Variants in FARP1 observed in about 807,000 individuals in gnomAD.
The protein encoded by FARP1 is FERM, ARHGEF and pleckstrin domain-containing protein 1.
FARP1 carries 52 observed loss-of-function variants against 128.8 expected under a neutral mutation model. The observed-to-expected ratio is 0.40, with a 90% CI of 0.32 to 0.51. The LOEUF is 0.51. Ranked by LOEUF, FARP1 falls within the 20% of genes least tolerant of loss-of-function variation. The pLI, the probability that FARP1 is intolerant of heterozygous loss-of-function variation, is 0.45. For synonymous variants in FARP1, 580 were observed against 551.8 expected (o/e 1.05, Z -0.72); for missense variants, 1,333 against 1,367.9 (o/e 0.97, Z 0.40).
chr13:98,363,733 T>A (rs1274095594), intron 3 of FARP1, among the ~76,000 whole-genome samples: 4 of 152,228 alleles, frequency 2.6e-5, no homozygotes, highest in Admixed American at 2.6e-4. Flanking sequence ...TCCTGTCTTT[T>A]GAATTTATTT....
At chr13:98,308,975 C>T (rs1886316975) in intron 2 of FARP1, among the ~76,000 whole-genome samples, 1 of 151,904 alleles carries the variant, frequency 6.6e-6, no homozygotes, top group South Asian at 2.1e-4. Context: ...GCCACTATGC[C>T]CGGCCAATAG....
At chr13:98,288,910 G>T (rs1885320788) in intron 2 of FARP1, among the ~76,000 whole-genome samples, 1 of 149,984 alleles carries the variant, frequency 6.7e-6, no homozygotes, top group Non-Finnish European at 1.5e-5. Flanking sequence ...TCTTAATTGT[G>T]CCAGTCATAT....
At chr13:98,446,897 C>T (rs1196341400) in intron 26 of FARP1, 80 bp downstream of exon 26, 25 of 1,473,654 alleles carry the variant, frequency 1.7e-5, no homozygotes, top group East Asian at 1.6e-4. Context: ...CCCAAGTCAG[C>T]GAGTGAGATG....
Position 98,176,483 on chromosome 13 carries a change from T to C in FARP1, c.-24+32991T>C, listed in dbSNP as rs762608112. On this transcript the variant is annotated intron_variant, in intron 1 of 26. Coordinates refer to ENST00000319562, the MANE Select transcript of FARP1 (RefSeq NM_005766.4). The surrounding 1 kb of genome is among the most constrained non-coding windows in gnomAD (Gnocchi z 6.2). ...CGACATATGAAACACCTGAATGGTA[T>C]TTCCTCTTCCTCGCTTCCCACTTCA... is the stretch of plus-strand genomic sequence containing the variant. The C allele has an allele frequency of 6.2e-7, 1 of 1,614,184 alleles. No individual in the cohort carries two copies. The highest frequency in any genetic ancestry group is 8.5e-7 in the Non-Finnish European group (1 of 1,180,028).
rs554384255 is a variant in FARP1, at chr13:98,202,642, T to TA, written c.-23-10577dup. 3.3e-5 allele frequency among the ~76,000 whole-genome samples: 5 copies of TA among 152,318 alleles called. No homozygotes were observed. In the South Asian group the frequency reaches 1.0e-3, roughly 32 times the overall value. ...CTCTCAGTGGGGCAGGAGTAGTTGG[T>TA]AGGAGTGTGTGCTTTTAGTAGATTA... On this transcript the variant is annotated intron_variant, in intron 1 of 26. Coordinates refer to ENST00000319562, the MANE Select transcript of FARP1 (RefSeq NM_005766.4).
rs1369487022 is a variant in FARP1 at position 98,448,389 on chromosome 13, C to G, written c.*72C>G. The G allele has an allele frequency of 5.7e-6, 7 of 1,221,130 alleles. No individual in the cohort carries two copies. Among genetic ancestry groups the G allele is most frequent in the Non-Finnish European group, 8.5e-6 (7 of 824,974 alleles). The allele number at this position is 1,221,130 out of a possible 1,614,324, so 75.6% of individuals were successfully genotyped here. ...TTTCCTTTCTTCTGTATTAATGAAG[C>G]CTGGTAAAATTAACACCTGTCTGAA... is the stretch of plus-strand genomic sequence containing the variant. On this transcript the variant is annotated 3_prime_UTR_variant, in exon 27 of 27. Coordinates refer to ENST00000319562, the MANE Select transcript of FARP1 (RefSeq NM_005766.4).
intron 1 of FARP1, among the ~76,000 whole-genome samples, chr13:98,143,768 C>CG (rs1219938573): frequency 6.6e-6 from 1 of 151,676 alleles, no homozygotes; most frequent in East Asian, 1.9e-4. Context: ...CGTCGGGCTG[C>CG]GGGGCTCCGC....
chr13:98,246,245 G>A (rs1365412314), intron 2 of FARP1, among the ~76,000 whole-genome samples: 1 of 150,326 alleles, frequency 6.7e-6, no homozygotes, highest in African/African-American at 2.4e-5. Context: ...ACAGGCGCCC[G>A]CCACCTCGCC....
At chr13:98,239,083 G>A (rs572188628) in intron 2 of FARP1, among the ~76,000 whole-genome samples, 21 of 152,304 alleles carry the variant, frequency 1.4e-4, no homozygotes, top group African/African-American at 2.9e-4. Context: ...TTCCTTATGG[G>A]TTAATGTATC....
At chr13:98,304,472 A>C (rs1280575518) in intron 2 of FARP1, among the ~76,000 whole-genome samples, 1 of 152,192 alleles carries the variant, frequency 6.6e-6, no homozygotes, top group Non-Finnish European at 1.5e-5. Flanking sequence ...TAGGTCCAGA[A>C]AGGTGCAGAT....
chr13:98,240,179 A>G (rs1468725346), intron 2 of FARP1, among the ~76,000 whole-genome samples: 1 of 152,210 alleles, frequency 6.6e-6, no homozygotes, highest in Non-Finnish European at 1.5e-5. Context: ...TGCTTAAAGC[A>G]TGAGTTATTA....
chr13:98,453,040 C>T lies in FARP1; in HGVS notation c.*4723C>T, dbSNP rs528639088. On this transcript the variant is annotated 3_prime_UTR_variant, in exon 27 of 27. Transcript: ENST00000319562. ...AAGACTGTGTGTGTCCCTGGACGGG[C>T]GCCTGGCGCTGGGGTGGCTCCCAGT... is the stretch of plus-strand genomic sequence containing the variant. 555 of 948,850 alleles carry T rather than the reference C, an allele frequency of 5.8e-4. No individual in the cohort carries two copies. Among genetic ancestry groups the T allele is most frequent in the Non-Finnish European group, 7.6e-4 (475 of 625,616 alleles). The allele number at this position is 948,850 out of a possible 1,614,324, so 58.8% of individuals were successfully genotyped here. A position where few individuals can be genotyped will look rare whatever the true frequency, so the allele number is the denominator to read the frequency against.
intron 2 of FARP1, among the ~76,000 whole-genome samples, chr13:98,236,213 T>G (rs1295905278): frequency 6.6e-6 from 1 of 152,236 alleles, no homozygotes; most frequent in Admixed American, 6.5e-5. Context: ...ATGGCATTTT[T>G]TCTTCTTCAA....
chr13:98,254,200 A>G (rs1232835863), intron 2 of FARP1, among the ~76,000 whole-genome samples: 1 of 152,208 alleles, frequency 6.6e-6, no homozygotes, highest in Non-Finnish European at 1.5e-5. Context: ...TACTCATCTC[A>G]TAATGATGCA....
At position 98,450,387 on chromosome 13, in the gene FARP1, GCTA is replaced by G. The variant is rs1318888119; in HGVS notation, c.*2072_*2074del. ...TTTTGCCAGAGGAAAGGTACAAAAT[GCTA>G]CATACAGAACCAAACCAGCCACTTC... On this transcript the variant is annotated 3_prime_UTR_variant, in exon 27 of 27. Coordinates refer to ENST00000319562, the MANE Select transcript of FARP1 (RefSeq NM_005766.4). 1 of 152,326 alleles carries G rather than the reference GCTA, an allele frequency of 6.6e-6. No homozygotes were observed. The highest frequency in any genetic ancestry group is 1.9e-4 in the East Asian group (1 of 5,182). 9.4% of individuals were successfully genotyped at this position (152,326 alleles called of 1,614,324 possible). A position where few individuals can be genotyped will look rare whatever the true frequency, so the allele number is the denominator to read the frequency against.
chr13:98,215,502 G>T (rs1881003800), intron 2 of FARP1, among the ~76,000 whole-genome samples: 1 of 152,104 alleles, frequency 6.6e-6, no homozygotes. Flanking sequence ...ATAAAATGAG[G>T]CTAATAATAA....
intron 13 of FARP1, chr13:98,403,372 C>A (rs1358840855): frequency 6.6e-6 from 1 of 152,248 alleles, no homozygotes; most frequent in African/African-American, 2.4e-5. Flanking sequence ...TGAAACAGAA[C>A]GCATCTGTGA....
intron 1 of FARP1, among the ~76,000 whole-genome samples, chr13:98,151,812 C>T (rs751947439): frequency 4.3e-4 from 66 of 151,800 alleles, no homozygotes; most frequent in Non-Finnish European, 8.1e-4. Context: ...CAGGTGCACG[C>T]CACCACGCCC....
At chr13:98,188,184 A>T (rs540778834) in intron 1 of FARP1, among the ~76,000 whole-genome samples, 1 of 152,266 alleles carries the variant, frequency 6.6e-6, no homozygotes, top group African/African-American at 2.4e-5. Context: ...GGCAGCACCC[A>T]CGTGGGCCTC....
Sources: allele counts gnomAD v4.1 joint callset (sites outside exome capture counted in the v4.1 genomes callset), GRCh38; gene constraint gnomAD v4.1.1; non-coding constraint Gnocchi (gnomAD v3.1); transcripts MANE v1.5; gene names NCBI Gene and HGNC (gene_info 2026-07-23, HGNC 2026-07-21).